Variants in ORC6 observed in about 807,000 individuals in gnomAD.
ORC6 encodes the protein origin recognition complex, subunit 6 homolog-like (yeast).
ORC6 carries 31 observed loss-of-function variants against 30.0 expected under a neutral mutation model. The ratio of observed to expected loss-of-function variants is 1.03; its 90% CI spans 0.78 to 1.40. The LOEUF (loss-of-function observed/expected upper bound fraction) is 1.40, where lower values mean the gene tolerates loss of function less well. ORC6 is among the 40% of genes most tolerant of loss of function. The probability of loss-of-function intolerance (pLI) is 0.00; values close to 1 mark genes in which losing one functional copy is unlikely to be tolerated. For synonymous variants in ORC6, 136 were observed against 111.2 expected (o/e 1.22, Z -1.40); for missense variants, 340 against 304.3 (o/e 1.12, Z -0.87).
rs144065502 is a variant in ORC6 at position 46,689,659 on chromosome 16, G to A, written c.-47G>A. 5,667 of 1,572,080 alleles carry A rather than the reference G, an allele frequency of 3.6e-3. 33 individuals carry two copies. The highest frequency in any genetic ancestry group is 0.031 in the Middle Eastern group (187 of 6,016). The stretch of plus-strand genomic sequence containing the variant: ...GGTGCAGCCTTTGCGCGCGGGTTTC[G>A]TTGACCCGCGGCGTTCACGGGAATT... On this transcript the variant is annotated 5_prime_UTR_variant, in exon 1 of 7. Coordinates refer to ENST00000219097, the MANE Select transcript of ORC6 (RefSeq NM_014321.4).
At position 46,698,256 on chromosome 16, in the gene ORC6, CCTTGT is replaced by C. The variant is rs375145504; in HGVS notation, c.*675_*679del. On this transcript the variant is annotated 3_prime_UTR_variant, in exon 7 of 7. Transcript: ENST00000219097. ...ATTTTGCTTTAAGTGAATGGCAGTC[CCTTGT>C]CTTATTCAGAATATAAAATTCAGTC... is the stretch of plus-strand genomic sequence containing the variant. 2.0e-5 allele frequency: 9 copies of C among 454,618 alleles called. No homozygotes were observed. Among genetic ancestry groups the C allele is most frequent in the East Asian group, 6.9e-5 (1 of 14,392 alleles). 28.2% of individuals were successfully genotyped at this position (454,618 alleles called of 1,614,324 possible).
chr16:46,689,822 G>A (rs1421445476), intron 1 of ORC6, 52 bp downstream of exon 1: 1 of 1,537,248 alleles, frequency 6.5e-7, no homozygotes, highest in East Asian at 2.4e-5. Flanking sequence ...GCGGCCCTGG[G>A]CCCTCAGGTG....
At chr16:46,690,381 G>A (rs532873891) in intron 1 of ORC6, among the ~76,000 whole-genome samples, 146 of 152,228 alleles carry the variant, frequency 9.6e-4, no homozygotes, top group Non-Finnish European at 1.8e-3. Context: ...AGCCATTGTA[G>A]CTAAAACGTG....
Position 46,692,382 on chromosome 16 carries a change from G to A in ORC6, c.196G>A (p.Ala66Thr), listed in dbSNP as rs768450500. The A allele has an allele frequency of 1.2e-6, 2 of 1,612,040 alleles. No individual in the cohort carries two copies. The highest frequency in any genetic ancestry group is 1.7e-6 in the Non-Finnish European group (2 of 1,178,456). The change falls in exon 3 of 7, where the codon GCT becomes ACT. Residue 66 changes from alanine (A) to threonine (T), a missense_variant and splice_region_variant. Ala to Thr is a moderately conservative substitution (Grantham distance 58). Coordinates refer to ENST00000219097, the MANE Select transcript of ORC6 (RefSeq NM_014321.4). ...TGTGTATGTGTTTTTCCTTTCACAG[G>A]CTTATTTAATTAAACTTTCTGGTTT... is the stretch of plus-strand genomic sequence containing the variant. ...ASWMKCPLDR[A>T]YLIKLSGLNK...
chr16:46,695,930 T>TG, intron 5 of ORC6, 87 bp from the exon 6 acceptor site: 1 of 968,182 alleles, frequency 1.0e-6, no homozygotes, highest in Non-Finnish European at 1.7e-6. Context: ...TCAGTTAAGA[T>TG]GTCTAATTTT....
Position 46,696,036 on chromosome 16 carries a change from T to C in ORC6, c.582T>C (p.Ala194=). ...QQVDREPGDV[A]TPPRKRKKIV... The stretch of plus-strand genomic sequence containing the variant: ...TTAAAGGAGAACCTGGAGATGTAGC[T>C]ACTCCACCACGGAAGAGAAAGAAGA... Residue 194 remains alanine, a synonymous_variant, in exon 6 of 7, where the codon GCT becomes GCC. Transcript: ENST00000219097. 6.2e-7 allele frequency: 1 copy of C among 1,613,262 alleles called. No homozygotes were observed. The highest frequency in any genetic ancestry group is 2.2e-5 in the East Asian group (1 of 44,886).
chr16:46,696,551 T>C (rs1966519190), intron 6 of ORC6, among the ~76,000 whole-genome samples: 1 of 152,240 alleles, frequency 6.6e-6, no homozygotes, highest in Non-Finnish European at 1.5e-5. Context: ...ATAAGAGCTT[T>C]AGCTACAAAG....
At chr16:46,691,165 G>A in intron 2 of ORC6, 45 bp downstream of exon 2, 9 of 1,603,650 alleles carry the variant, frequency 5.6e-6, no homozygotes, top group Non-Finnish European at 7.7e-6. Context: ...GTGCAACATT[G>A]AAGCTCTTTT....
chr16:46,693,806 CTTTTTTTTTTTTT>C (rs1194005655), intron 4 of ORC6: 1 of 46,092 alleles, frequency 2.2e-5, no homozygotes, highest in Non-Finnish European at 4.5e-5. Flanking sequence ...AACACTGTCT[CTTTTTTTTTTTTT>C]TTTTTTTTTA....
chr16:46,695,751 T>C, intron 5 of ORC6, 77 bp downstream of exon 5: 4 of 959,992 alleles, frequency 4.2e-6, no homozygotes, highest in Non-Finnish European at 6.7e-6. Context: ...TATTTTCAAA[T>C]ATGTAAACTG....
At chr16:46,693,332 C>T in intron 4 of ORC6, 150 bp downstream of exon 4, 2 of 649,330 alleles carry the variant, frequency 3.1e-6, no homozygotes, top group Admixed American at 4.6e-5. Flanking sequence ...GACTATATTC[C>T]CAGTTTATCC....
At chr16:46,690,817 G>A in intron 1 of ORC6, 174 bp from the exon 2 acceptor site, 1 of 700,412 alleles carries the variant, frequency 1.4e-6, no homozygotes, top group Non-Finnish European at 2.6e-6. Flanking sequence ...TTTGGAGTCA[G>A]TGCTGGTTCT....
At chr16:46,692,728 C>A (rs543261235) in intron 3 of ORC6, among the ~76,000 whole-genome samples, 183 bp downstream of exon 3, 2 of 152,180 alleles carry the variant, frequency 1.3e-5, no homozygotes, top group South Asian at 4.2e-4. Context: ...ATTAGCTGGG[C>A]GAGGCGTCAT....
chr16:46,695,438 AG>A, intron 4 of ORC6, 123 bp from the exon 5 acceptor site: 1 of 685,586 alleles, frequency 1.5e-6, no homozygotes, highest in Non-Finnish European at 2.6e-6. Context: ...TTTGGAATGA[AG>A]GAAAAAAACT....
intron 2 of ORC6, among the ~76,000 whole-genome samples, chr16:46,691,839 T>C (rs1251619203): frequency 2.0e-5 from 3 of 152,118 alleles, no homozygotes; most frequent in Non-Finnish European, 4.4e-5. Context: ...TATTGTTACA[T>C]TGAAACTTTC....
Position 46,695,653 on chromosome 16 carries a change from A to G in ORC6, c.541A>G (p.Lys181Glu). 1.2e-6 allele frequency: 2 copies of G among 1,605,870 alleles called. No homozygotes were observed. Among genetic ancestry groups the G allele is most frequent in the Non-Finnish European group, 8.5e-7 (1 of 1,172,496 alleles). ...IFDRLCKQLE[K>E]IGQQVDREPG... is the part of the protein sequence containing the mutation. ...TGATCGACTGTGTAAACAACTAGAG[A>G]AGATTGGACAGCAGGTCGACAGTAA... The change falls in exon 5 of 7, where the codon AAG (lysine) becomes GAG (glutamate). Residue 181 changes from lysine (K) to glutamate (E), a missense_variant. By Grantham distance (56) the Lys-to-Glu change is moderately conservative. Coordinates refer to ENST00000219097, the MANE Select transcript of ORC6 (RefSeq NM_014321.4).
chr16:46,695,396 C>T (rs1966506841), intron 4 of ORC6, 166 bp from the exon 5 acceptor site: 1 of 618,828 alleles, frequency 1.6e-6, no homozygotes, highest in Non-Finnish European at 2.9e-6. Flanking sequence ...GTCCAATAAA[C>T]AACTAAACAA....
At position 46,697,536 on chromosome 16, in the gene ORC6, G is replaced by A. The variant is rs759348696; in HGVS notation, c.710G>A (p.Arg237Lys). Residue 237 changes from arginine to lysine, a missense_variant, in exon 7 of 7, where the codon AGA becomes AAA. By Grantham distance (26) the Arg-to-Lys change is conservative (BLOSUM62 2). Transcript: ENST00000219097. ...ACACAGGATTATGAAGAATGGAAAA[G>A]AAAAATTTTGGAAAATGCTGCCAGT... ...DLTQDYEEWKRKILENAASAQ... is the reference protein window; with the variant it reads ...DLTQDYEEWKKKILENAASAQ... The A allele has an allele frequency of 2.5e-6, 4 of 1,614,084 alleles. No homozygotes were observed. The South Asian group carries it at 4.4e-5, about 18-fold the overall frequency.
At chr16:46,691,958 A>ACACTCTCTCTCT in intron 2 of ORC6, among the ~76,000 whole-genome samples, 2 of 36,664 alleles carry the variant, frequency 5.5e-5, no homozygotes, top group African/African-American at 1.9e-4. Flanking sequence ...ACACACACAC[A>ACACTCTCTCTCT]CTCTCTCTCT....
Sources: allele counts gnomAD v4.1 joint callset (sites outside exome capture counted in the v4.1 genomes callset), GRCh38; gene constraint gnomAD v4.1.1; transcripts MANE v1.5; gene names NCBI Gene and HGNC (gene_info 2026-07-23, HGNC 2026-07-21).